Variants in GOLGA5 observed in about 807,000 individuals in gnomAD.
GOLGA5 encodes the protein golgin A5, also known as golgin subfamily A member 5.
A neutral mutation model predicts 93.5 loss-of-function variants in GOLGA5; 50 were observed. The observed-to-expected ratio is 0.53, with a 90% CI of 0.43 to 0.68. The LOEUF is 0.68. GOLGA5 is among the 30% of genes least tolerant of loss of function. The probability of loss-of-function intolerance (pLI) is 0.00; values close to 1 mark genes in which losing one functional copy is unlikely to be tolerated. For synonymous variants in GOLGA5, 312 were observed against 304.5 expected, an observed-to-expected ratio of 1.02 and a Z score of -0.26; for missense variants, 760 against 856.4, an observed-to-expected ratio of 0.89 and a Z score of 1.40.
intron 1 of GOLGA5, among the ~76,000 whole-genome samples, chr14:92,795,516 G>C (rs953948536): frequency 6.6e-6 from 1 of 152,150 alleles, no homozygotes; most frequent in Non-Finnish European, 1.5e-5. Flanking sequence ...TTAAAAAAAG[G>C]ATATTGCTGT....
intron 9 of GOLGA5, among the ~76,000 whole-genome samples, chr14:92,825,871 A>AC (rs1397296319): frequency 6.6e-6 from 1 of 150,762 alleles, no homozygotes; most frequent in African/African-American, 2.4e-5. Flanking sequence ...AAAAAAGAAA[A>AC]AACAACCATA....
At chr14:92,799,781 T>TGCC (rs36000501) in intron 2 of GOLGA5, among the ~76,000 whole-genome samples, 484 of 151,880 alleles carry the variant, frequency 3.2e-3, no homozygotes, top group Middle Eastern at 0.014. Flanking sequence ...AATTTTTGTA[T>TGCC]TTTTTGGTAG....
At chr14:92,832,355 G>A (rs1410647355) in intron 9 of GOLGA5, among the ~76,000 whole-genome samples, 1 of 152,174 alleles carries the variant, frequency 6.6e-6, no homozygotes, top group African/African-American at 2.4e-5. Flanking sequence ...GGCAGGTGGA[G>A]CCTAGATAAG....
intron 9 of GOLGA5, among the ~76,000 whole-genome samples, chr14:92,829,578 A>G (rs1595603324): frequency 6.6e-6 from 1 of 152,214 alleles, no homozygotes; most frequent in East Asian, 1.9e-4. Context: ...AATTGCTGCA[A>G]TCTCATAATA....
intron 8 of GOLGA5, 36 bp from the exon 9 acceptor site, chr14:92,824,510 A>C (rs1352969857): frequency 9.4e-7 from 1 of 1,063,508 alleles, no homozygotes; most frequent in African/African-American, 1.6e-5. Flanking sequence ...GGGGACACTT[A>C]TTTCGCTTCT....
At chr14:92,796,955 C>T (rs1455319055) in intron 1 of GOLGA5, among the ~76,000 whole-genome samples, 11 of 95,108 alleles carry the variant, frequency 1.2e-4, no homozygotes, top group Admixed American at 4.7e-4. Flanking sequence ...CCGGCCTGGG[C>T]GACAGAGCGA....
At chr14:92,828,037 C>G (rs985745595) in intron 9 of GOLGA5, among the ~76,000 whole-genome samples, 1 of 152,188 alleles carries the variant, frequency 6.6e-6, no homozygotes, top group African/African-American at 2.4e-5. Context: ...AGTGAAGCAG[C>G]AAGTGCTAAT....
At chr14:92,808,529 T>C (rs924943118) in intron 3 of GOLGA5, among the ~76,000 whole-genome samples, 2 of 151,730 alleles carry the variant, frequency 1.3e-5, no homozygotes, top group Non-Finnish European at 2.9e-5. Flanking sequence ...ACCTGTAGGC[T>C]GAGCTACTTT....
intron 8 of GOLGA5, among the ~76,000 whole-genome samples, chr14:92,820,073 A>G (rs1270851955): frequency 1.3e-5 from 2 of 152,202 alleles, no homozygotes; most frequent in East Asian, 3.9e-4. Flanking sequence ...GACAAAGTAT[A>G]GAGAAAGAAC....
intron 2 of GOLGA5, among the ~76,000 whole-genome samples, chr14:92,803,514 C>T (rs2140314306): frequency 6.6e-6 from 1 of 152,320 alleles, no homozygotes; most frequent in East Asian, 1.9e-4. Context: ...TGTGCTAAAA[C>T]CATCAGGACC....
chr14:92,799,576 G>T (rs1435869422), intron 2 of GOLGA5, among the ~76,000 whole-genome samples: 1 of 145,818 alleles, frequency 6.9e-6, no homozygotes, highest in Admixed American at 6.8e-5. Flanking sequence ...GAGCCACTGT[G>T]CCTGGCCTTT....
intron 9 of GOLGA5, among the ~76,000 whole-genome samples, chr14:92,825,589 G>A (rs1049358691): frequency 6.6e-5 from 10 of 152,160 alleles, no homozygotes; most frequent in African/African-American, 2.4e-4. Flanking sequence ...GGCCAGGTGA[G>A]GTAGTTCATG....
chr14:92,805,204 TTTTTCTCTCC>T (rs1396147668), intron 2 of GOLGA5, among the ~76,000 whole-genome samples: 1 of 152,148 alleles, frequency 6.6e-6, no homozygotes, highest in Non-Finnish European at 1.5e-5. Context: ...AGTGCTCTGA[TTTTTCTCTCC>T]TTAGTTTTGC....
chr14:92,823,177 A>G (rs1278888451), intron 8 of GOLGA5, among the ~76,000 whole-genome samples: 2 of 152,116 alleles, frequency 1.3e-5, no homozygotes, highest in African/African-American at 4.8e-5. Context: ...ATTTTCTTCC[A>G]TATGGCTACT....
In GOLGA5 at chr14:92,794,467, G is replaced by A. The variant is rs1011443854; in HGVS notation, c.-31+11G>A. 2 of 152,448 alleles carry A rather than the reference G, an allele frequency of 1.3e-5. No homozygotes were observed. The highest frequency in any genetic ancestry group is 2.4e-5 in the African/African-American group (1 of 41,480). 9.4% of individuals were successfully genotyped at this position (152,448 alleles called of 1,614,324 possible). A position where few individuals can be genotyped will look rare whatever the true frequency, so the allele number is the denominator to read the frequency against. ...CTCCGGAGTCCTCAGGTGAGGCGGAGGCGAGGGCCCACTGGACGAGACGGG... is the reference window on the plus strand; with the variant it reads ...CTCCGGAGTCCTCAGGTGAGGCGGAAGCGAGGGCCCACTGGACGAGACGGG... On this transcript the variant is annotated intron_variant, in intron 1 of 12. Transcript: ENST00000163416.
intron 1 of GOLGA5, among the ~76,000 whole-genome samples, chr14:92,795,884 GTTCTTGGCAAAAGGAACAACGTGCACA>G (rs1185597582): frequency 6.6e-6 from 1 of 152,218 alleles, no homozygotes; most frequent in African/African-American, 2.4e-5. Flanking sequence ...CCATGAAAGA[GTTCTTGGCAAAAGGAACAACGTGCACA>G]TTCTAGAAAT....
At chr14:92,838,697 G>A (rs1373022717) in intron 12 of GOLGA5, among the ~76,000 whole-genome samples, 1 of 151,982 alleles carries the variant, frequency 6.6e-6, no homozygotes, top group Non-Finnish European at 1.5e-5. Context: ...GAAAGCGTGG[G>A]GAGTACAAAA....
Position 92,816,361 on chromosome 14 carries a change from G to A in GOLGA5, c.1431G>A (p.Met477Ile). Residue 477 changes from methionine (M) to isoleucine (I), a missense_variant, in exon 7 of 13, where the codon ATG becomes ATA. Coordinates refer to ENST00000163416, the MANE Select transcript of GOLGA5 (RefSeq NM_005113.4). ...AAGAACTTCGGCATGAGAAAGAGATGCAGAGGGAGGAAATACAGAAGCTGA... is the reference window on the plus strand; with the variant it reads ...AAGAACTTCGGCATGAGAAAGAGATACAGAGGGAGGAAATACAGAAGCTGA... Reference protein sequence around the residue: ...ELEELRHEKEMQREEIQKLMG... With the variant: ...ELEELRHEKEIQREEIQKLMG... The A allele has an allele frequency of 6.2e-7, 1 of 1,614,048 alleles. No homozygotes were observed. The highest frequency in any genetic ancestry group is 2.2e-5 in the East Asian group (1 of 44,882).
Position 92,808,201 on chromosome 14 carries a change from C to G in GOLGA5, c.773-1099C>G, listed in dbSNP as rs183237279. Reference sequence around the variant, plus strand: ...GGTGGAGGTTGCAGTGAGCCGAGATCGTGCCACTGCATTCCAGCCTGAGCT... The same window carrying G: ...GGTGGAGGTTGCAGTGAGCCGAGATGGTGCCACTGCATTCCAGCCTGAGCT... On this transcript the variant is annotated intron_variant, in intron 3 of 12. Transcript: ENST00000163416. 1.9e-3 allele frequency among the ~76,000 whole-genome samples: 296 copies of G among 152,110 alleles called. 1 individual carries two copies. The highest frequency in any genetic ancestry group is 2.7e-3 in the Non-Finnish European group (181 of 67,978).
Sources: allele counts gnomAD v4.1 joint callset (sites outside exome capture counted in the v4.1 genomes callset), GRCh38; gene constraint gnomAD v4.1.1; transcripts MANE v1.5; gene names NCBI Gene and HGNC (gene_info 2026-07-23, HGNC 2026-07-21).